The following PSMA6 variants were observed in gnomAD, a reference collection of about 807,000 sequenced individuals.
PSMA6 encodes the protein proteasome 20S subunit alpha 6, also known as proteasome subunit alpha type-6.
For synonymous variants in PSMA6, 88 were observed against 97.7 expected (o/e 0.90, Z 0.59); for missense variants, 170 against 294.8 (o/e 0.58, Z 3.10).
intron 1 of PSMA6, among the ~76,000 whole-genome samples, chr14:35,306,009 T>G (rs1325122725): frequency 6.6e-6 from 1 of 152,148 alleles, no homozygotes; most frequent in Non-Finnish European, 1.5e-5. Context: ...GAGGATCGCT[T>G]GAGTCCAGGA....
At chr14:35,292,686 C>G (rs1359082354) in intron 1 of PSMA6, 134 bp downstream of exon 1, 2 of 1,449,614 alleles carry the variant, frequency 1.4e-6, no homozygotes, top group African/African-American at 2.8e-5. Context: ...ACGGCTGAAG[C>G]TGGATTGAGC....
chr14:35,307,861 T>A, intron 1 of PSMA6, 133 bp from the exon 2 acceptor site: 1 of 708,536 alleles, frequency 1.4e-6, no homozygotes, highest in Non-Finnish European at 2.3e-6. Flanking sequence ...ATTTTGACTT[T>A]GCACATCCTG....
intron 1 of PSMA6, among the ~76,000 whole-genome samples, chr14:35,282,613 G>A (rs1037594453): frequency 1.3e-5 from 2 of 152,032 alleles, no homozygotes; most frequent in Admixed American, 6.6e-5. Flanking sequence ...CACTTTGGGA[G>A]GTCAAGGCAG....
intron 1 of PSMA6, among the ~76,000 whole-genome samples, chr14:35,285,690 C>T (rs1430818318): frequency 1.3e-5 from 2 of 152,248 alleles, no homozygotes; most frequent in East Asian, 3.8e-4. Flanking sequence ...CCAATCTCTG[C>T]ACCTCCCTTT....
At chr14:35,298,779 G>A (rs1317202815) in intron 1 of PSMA6, among the ~76,000 whole-genome samples, 1 of 152,020 alleles carries the variant, frequency 6.6e-6, no homozygotes, top group Admixed American at 6.6e-5. Context: ...GGTTGCCCAG[G>A]CTGGAGTACA....
At chr14:35,287,488 A>T (rs1161424619), upstream of PSMA6, among the ~76,000 whole-genome samples, 1 of 152,072 alleles carries the variant, frequency 6.6e-6, no homozygotes, top group Admixed American at 6.5e-5. Flanking sequence ...CTACATTCTT[A>T]TCTTGCCTTT....
chr14:35,293,568 C>G (rs181965045), intron 1 of PSMA6, among the ~76,000 whole-genome samples: 81 of 152,204 alleles, frequency 5.3e-4, no homozygotes, highest in African/African-American at 1.8e-3. Flanking sequence ...GTTCTCTTCA[C>G]CTGTAAATTT....
intron 1 of PSMA6, among the ~76,000 whole-genome samples, chr14:35,287,108 A>T (rs1001138034): frequency 6.6e-6 from 1 of 152,224 alleles, no homozygotes; most frequent in African/African-American, 2.4e-5. Flanking sequence ...TAGGTAGCCA[A>T]CCATAGCTAC....
At chr14:35,290,040 C>T (rs2051461265), upstream of PSMA6, among the ~76,000 whole-genome samples, 1 of 151,144 alleles carries the variant, frequency 6.6e-6, no homozygotes, top group Non-Finnish European at 1.5e-5. Flanking sequence ...AAATGTGGTA[C>T]AAGGGGCAGG....
At chr14:35,282,852 C>T (rs1457623220) in intron 1 of PSMA6, among the ~76,000 whole-genome samples, 1 of 151,810 alleles carries the variant, frequency 6.6e-6, no homozygotes, top group Non-Finnish European at 1.5e-5. Context: ...GAGACCCACA[C>T]AGCCTGGGCA....
rs143933460 is a variant in PSMA6 at position 35,286,410 on chromosome 14, C to T, written c.19+7692C>T. Among the ~76,000 whole-genome samples the T allele has an allele frequency of 5.9e-4, 90 of 152,314 alleles. 1 individual carries two copies. Among genetic ancestry groups the T allele is most frequent in the Non-Finnish European group, 1.0e-3 (70 of 68,026 alleles). ...TAAGCCCAAGCCAGCTGGGGTCTTC[C>T]GTTGTTTCTTCCAGTATTGTGGGGA... On this transcript the variant is annotated intron_variant, in intron 1 of 6. Coordinates refer to the PSMA6 transcript ENST00000540871.
In PSMA6 at chr14:35,292,886, C is replaced by T; in HGVS notation, c.76+334C>T. 5.9e-6 allele frequency: 3 copies of T among 509,336 alleles called. No homozygotes were observed. In the Admixed American group the frequency reaches 7.2e-5, roughly 12 times the overall value. The allele number at this position is 509,336 out of a possible 1,614,324, so 31.6% of individuals were successfully genotyped here. ...TCCTGGCCAGGCACAAGGTCTGTTT[C>T]TAAAGGGTAATTGATTCCTTAACGT... On this transcript the variant is annotated intron_variant, in intron 1 of 6. Coordinates refer to ENST00000261479, the MANE Select transcript of PSMA6 (RefSeq NM_002791.3).
upstream of PSMA6, among the ~76,000 whole-genome samples, chr14:35,291,621 C>T (rs2051481756): frequency 6.6e-6 from 1 of 151,888 alleles, no homozygotes; most frequent in Non-Finnish European, 1.5e-5. Context: ...CTCAGGAGTT[C>T]GAGAGCTGCC....
In PSMA6 at chr14:35,292,473, C is replaced by T; in HGVS notation, c.-4C>T. ...ATTGTGTTTAAAGTAGTGCTTCTAC[C>T]AACATGTCCCGTGGTTCCAGCGCCG... On this transcript the variant is annotated 5_prime_UTR_variant, in exon 1 of 7. Coordinates refer to ENST00000261479, the MANE Select transcript of PSMA6 (RefSeq NM_002791.3). The T allele has an allele frequency of 6.2e-7, 1 of 1,613,290 alleles. No homozygotes were observed. Among genetic ancestry groups the T allele is most frequent in the Non-Finnish European group, 8.5e-7 (1 of 1,179,570 alleles).
At chr14:35,283,827 C>G (rs915095973) in intron 1 of PSMA6, among the ~76,000 whole-genome samples, 1 of 152,194 alleles carries the variant, frequency 6.6e-6, no homozygotes, top group South Asian at 2.1e-4. Flanking sequence ...CTCGGCCTCC[C>G]AAAGTGCTAG....
intron 1 of PSMA6, among the ~76,000 whole-genome samples, chr14:35,280,114 G>C (rs1347738993): frequency 6.8e-6 from 1 of 146,704 alleles, no homozygotes; most frequent in South Asian, 2.2e-4. Flanking sequence ...CTGGGCGACA[G>C]AGCAAGACTC....
At chr14:35,293,126 T>G in intron 1 of PSMA6, 1 of 428,992 alleles carries the variant, frequency 2.3e-6, no homozygotes, top group Non-Finnish European at 4.7e-6. Context: ...AGTGCCAATT[T>G]ACAAATATCT....
chr14:35,308,777 T>C, intron 2 of PSMA6, 137 bp from the exon 3 acceptor site: 1 of 623,070 alleles, frequency 1.6e-6, no homozygotes, highest in Non-Finnish European at 2.8e-6. Context: ...AGACATTTAT[T>C]ATACAGTTTA....
At chr14:35,291,004 T>TA (rs1232891816), upstream of PSMA6, among the ~76,000 whole-genome samples, 4 of 152,018 alleles carry the variant, frequency 2.6e-5, no homozygotes, top group East Asian at 1.9e-4. Flanking sequence ...ATTTTTTTTT[T>TA]TTTATTTAGA....
Sources: allele counts gnomAD v4.1 joint callset (sites outside exome capture counted in the v4.1 genomes callset), GRCh38; gene constraint gnomAD v4.1.1; transcripts MANE v1.5; gene names NCBI Gene and HGNC (gene_info 2026-07-23, HGNC 2026-07-21).